ACOT12: variants seen among roughly 807,000 people sequenced by gnomAD.
ACOT12 encodes acyl-CoA thioesterase 12.
ACOT12 carries 51 observed loss-of-function variants against 67.7 expected under a neutral mutation model. The observed-to-expected ratio is 0.75, with a 90% CI of 0.60 to 0.95. The LOEUF (loss-of-function observed/expected upper bound fraction) is 0.95. Among genes scored for constraint, ACOT12 ranks in the 40% least tolerant of loss-of-function variants. The probability of loss-of-function intolerance (pLI) is 0.00; values close to 1 mark genes in which losing one functional copy is unlikely to be tolerated. For missense variants in ACOT12, 734 were observed against 708.1 expected, an observed-to-expected ratio of 1.04 and a Z score of -0.41; for synonymous variants, 251 against 244.6, an observed-to-expected ratio of 1.03 and a Z score of -0.24.
chr5:81,391,029 G>T (rs1450309717), intron 1 of ACOT12, among the ~76,000 whole-genome samples: 3 of 152,108 alleles, frequency 2.0e-5, no homozygotes, highest in Non-Finnish European at 2.9e-5. Context: ...TTTTGGTTTT[G>T]TTTTTTAAAG....
intron 1 of ACOT12, 67 bp downstream of exon 1, chr5:81,393,921 G>A (rs1760933040): frequency 3.2e-6 from 4 of 1,260,090 alleles, no homozygotes; most frequent in South Asian, 5.2e-5. Context: ...ACCCCCCCCA[G>A]CCCCCAGCCG....
intron 12 of ACOT12, among the ~76,000 whole-genome samples, chr5:81,334,078 CT>C (rs887419747): frequency 1.3e-5 from 2 of 152,148 alleles, no homozygotes; most frequent in Non-Finnish European, 2.9e-5. Context: ...GCTGGGCAGC[CT>C]GACTCCAGAA....
chr5:81,326,847 A>G (rs1174961727), downstream of ACOT12, among the ~76,000 whole-genome samples: 1 of 152,196 alleles, frequency 6.6e-6, no homozygotes, highest in Non-Finnish European at 1.5e-5. Context: ...CACACTCAGC[A>G]AGAATGTGCA....
At chr5:81,369,409 T>A (rs1431635364) in intron 3 of ACOT12, among the ~76,000 whole-genome samples, 1 of 152,118 alleles carries the variant, frequency 6.6e-6, no homozygotes, top group Non-Finnish European at 1.5e-5. Context: ...GGCAGGAAAC[T>A]GAAATTGAAC....
At chr5:81,367,948 G>A (rs527820191) in intron 3 of ACOT12, among the ~76,000 whole-genome samples, 164 of 152,176 alleles carry the variant, frequency 1.1e-3, no homozygotes, top group African/African-American at 3.9e-3. Context: ...AAAAACCAGA[G>A]ATAAAAAGGC....
intron 9 of ACOT12, 114 bp from the exon 10 acceptor site, chr5:81,343,995 C>CTGATTCCATAA: frequency 8.3e-7 from 1 of 1,205,252 alleles, no homozygotes; most frequent in South Asian, 1.4e-5. Context: ...AGTGGAACAA[C>CTGATTCCATAA]GTGGAAGAAC....
chr5:81,322,468 C>CA, the ACOT12 span, among the ~76,000 whole-genome samples: 79,920 of 146,484 alleles, frequency 0.55, 22,156 homozygotes, highest in East Asian at 0.7. Flanking sequence ...AAAAAATAAA[C>CA]AAAAAAAAAA....
chr5:81,369,686 T>G (rs565934957), intron 3 of ACOT12, among the ~76,000 whole-genome samples: 1 of 152,300 alleles, frequency 6.6e-6, no homozygotes, highest in Non-Finnish European at 1.5e-5. Flanking sequence ...GGGTTTTACT[T>G]TTGTTTTCTT....
chr5:81,349,672 C>T (rs1233516205), intron 5 of ACOT12, among the ~76,000 whole-genome samples: 2 of 151,982 alleles, frequency 1.3e-5, no homozygotes, highest in African/African-American at 4.8e-5. Flanking sequence ...ATTATGTGAC[C>T]CACTAGATCC....
At chr5:81,332,355 T>C (rs1758855123) in intron 13 of ACOT12, 122 bp downstream of exon 13, 1 of 1,139,990 alleles carries the variant, frequency 8.8e-7, no homozygotes, top group East Asian at 2.5e-5. Context: ...CTAGGTATAA[T>C]TCAAATAAAC....
intron 3 of ACOT12, among the ~76,000 whole-genome samples, chr5:81,364,371 G>A (rs1012776017): frequency 6.6e-6 from 1 of 151,368 alleles, no homozygotes; most frequent in African/African-American, 2.4e-5. Flanking sequence ...AAATACGTGT[G>A]TGTATATATG....
chr5:81,308,758 T>C, the ACOT12 span: 6 of 1,572,230 alleles, frequency 3.8e-6, no homozygotes, highest in South Asian at 7.2e-5. Context: ...GGAAAGCCAA[T>C]AAATAGCACC....
chr5:81,385,727 A>C (rs369166420), intron 2 of ACOT12, 30 bp downstream of exon 2: 25 of 1,610,648 alleles, frequency 1.6e-5, no homozygotes, highest in Non-Finnish European at 2.1e-5. Context: ...CAAACCCAGG[A>C]GAAAGGAGCC....
intron 11 of ACOT12, among the ~76,000 whole-genome samples, chr5:81,340,831 A>G (rs1326405230): frequency 6.6e-6 from 1 of 152,234 alleles, no homozygotes; most frequent in Non-Finnish European, 1.5e-5. Flanking sequence ...TTAAAATCAG[A>G]TTTTTATCAT....
At chr5:81,394,134 C>CCT (rs1760944482), upstream of ACOT12, 21 of 1,405,914 alleles carry the variant, frequency 1.5e-5, no homozygotes, top group Non-Finnish European at 1.8e-5. Flanking sequence ...GAGAGCGCTA[C>CCT]GCCTGCGGCC....
chr5:81,343,121 A>G (rs778626615), intron 10 of ACOT12, among the ~76,000 whole-genome samples: 1 of 151,924 alleles, frequency 6.6e-6, no homozygotes, highest in African/African-American at 2.4e-5. Flanking sequence ...CGGGAGGCGG[A>G]GGTTGCAGTG....
At chr5:81,353,521 A>C (rs1322542340) in intron 5 of ACOT12, among the ~76,000 whole-genome samples, 1 of 152,134 alleles carries the variant, frequency 6.6e-6, no homozygotes, top group Non-Finnish European at 1.5e-5. Flanking sequence ...TGCTAGCCCT[A>C]GTTTTCTTTC....
intron 7 of ACOT12, among the ~76,000 whole-genome samples, chr5:81,345,339 T>TG (rs754389408): frequency 1.8e-4 from 28 of 152,120 alleles, no homozygotes; most frequent in Non-Finnish European, 3.5e-4. Context: ...TTTGGCAATG[T>TG]GGGGGAGGGC....
intron 1 of ACOT12, among the ~76,000 whole-genome samples, chr5:81,389,078 A>G (rs975947841): frequency 2.6e-5 from 4 of 152,226 alleles, no homozygotes; most frequent in African/African-American, 9.6e-5. Flanking sequence ...ATACAGATAC[A>G]TAATGACAAA....
Sources: allele counts gnomAD v4.1 joint callset (sites outside exome capture counted in the v4.1 genomes callset), GRCh38; gene constraint gnomAD v4.1.1; transcripts MANE v1.5; gene names NCBI Gene and HGNC (gene_info 2026-07-23, HGNC 2026-07-21).